The following ENDOV variants were observed in gnomAD, a reference collection of about 807,000 sequenced individuals.
ENDOV encodes endonuclease V.
ENDOV carries 37 observed loss-of-function variants against 39.4 expected under a neutral mutation model. The observed-to-expected ratio is 0.94, with a 90% CI of 0.72 to 1.23. ENDOV has a LOEUF of 1.23. Ranked by LOEUF, ENDOV falls within the 50% of genes most tolerant of loss-of-function variation. The probability of loss-of-function intolerance (pLI) is 0.00; values close to 1 mark genes in which losing one functional copy is unlikely to be tolerated. For missense variants in ENDOV, 441 were observed against 375.7 expected, an observed-to-expected ratio of 1.17 and a Z score of -1.44; for synonymous variants, 186 against 163.4, an observed-to-expected ratio of 1.14 and a Z score of -1.05.
intron 2 of ENDOV, chr17:80,417,884 G>C (rs565196969): frequency 6.6e-6 from 1 of 152,330 alleles, no homozygotes; most frequent in African/African-American, 2.4e-5. Context: ...ATTCACATAA[G>C]AGTCAACAGC....
intron 8 of ENDOV, among the ~76,000 whole-genome samples, chr17:80,428,973 G>A (rs566605421): frequency 1.1e-4 from 16 of 152,356 alleles, no homozygotes; most frequent in Admixed American, 4.6e-4. Flanking sequence ...CACTTAGCCT[G>A]TGAGGTACCA....
chr17:80,423,110 C>T (rs924681827), intron 4 of ENDOV, among the ~76,000 whole-genome samples: 10 of 152,246 alleles, frequency 6.6e-5, no homozygotes, highest in African/African-American at 2.4e-4. Context: ...AAGTGTGACT[C>T]GGCCCTGGCT....
chr17:80,418,353 G>A (rs897599744), intron 2 of ENDOV: 4 of 152,116 alleles, frequency 2.6e-5, no homozygotes, highest in African/African-American at 9.7e-5. Flanking sequence ...TGCATCCTGG[G>A]CCTCTTTTGA....
intron 5 of ENDOV, 78 bp from the exon 6 acceptor site, chr17:80,424,954 C>G: frequency 7.7e-7 from 1 of 1,301,412 alleles, no homozygotes; most frequent in Admixed American, 2.0e-5. Flanking sequence ...CACTCCGTCT[C>G]AAAAAATAGA....
chr17:80,417,113 C>T (rs1384237686), intron 2 of ENDOV: 2 of 152,194 alleles, frequency 1.3e-5, no homozygotes, highest in African/African-American at 4.8e-5. Flanking sequence ...GAATAAAGTT[C>T]ACTCTGGTTG....
intron 8 of ENDOV, 85 bp downstream of exon 8, chr17:80,428,745 G>C: frequency 7.5e-7 from 1 of 1,340,318 alleles, no homozygotes; most frequent in African/African-American, 1.4e-5. Context: ...GCCTCTCCTT[G>C]TTGCAATATT....
At chr17:80,416,472 C>T (rs2081202523) in intron 2 of ENDOV, among the ~76,000 whole-genome samples, 1 of 152,034 alleles carries the variant, frequency 6.6e-6, no homozygotes, top group African/African-American at 2.4e-5. Context: ...CACACTAGCT[C>T]GCTTTTATTC....
chr17:80,427,781 G>A, intron 7 of ENDOV: 1 of 1,289,220 alleles, frequency 7.8e-7, no homozygotes. Flanking sequence ...ATGGTCACAG[G>A]CGCTGCGGCG....
Position 80,436,357 on chromosome 17 carries a change from T to C in ENDOV, c.*214T>C. On this transcript the variant is annotated 3_prime_UTR_variant, in exon 10 of 10. Transcript: ENST00000518137. ...ACACGTCCTTGTCTTGTTCCTGATC[T>C]TAAGGGAACGTTTGCAGTCTTTCAC... is the stretch of plus-strand genomic sequence containing the variant. The C allele has an allele frequency of 7.9e-6, 12 of 1,510,848 alleles. No individual in the cohort carries two copies. The highest frequency in any genetic ancestry group is 1.1e-5 in the Non-Finnish European group (12 of 1,128,544). 93.6% of individuals were successfully genotyped at this position (1,510,848 alleles called of 1,614,324 possible).
intron 1 of ENDOV, 65 bp downstream of exon 1, chr17:80,415,315 C>G: frequency 1.9e-6 from 3 of 1,569,324 alleles, no homozygotes; most frequent in Non-Finnish European, 1.7e-6. Context: ...GCGGACCCTC[C>G]GAGCTCATAG....
At chr17:80,427,423 GC>G (rs2082841118) in intron 7 of ENDOV, 1 of 985,324 alleles carries the variant, frequency 1.0e-6, no homozygotes, top group Admixed American at 6.1e-5. Flanking sequence ...GGGACACCTG[GC>G]CTGTGAGTAC....
At position 80,421,968 on chromosome 17, in the gene ENDOV, T is replaced by C. The variant is rs1366771752; in HGVS notation, c.363+6T>C. 1.2e-6 allele frequency: 2 copies of C among 1,607,156 alleles called. No individual in the cohort carries two copies. Among genetic ancestry groups the C allele is most frequent in the Admixed American group, 1.7e-5 (1 of 59,888 alleles). On this transcript the variant is annotated splice_donor_region_variant and intron_variant, in intron 3 of 9. Transcript: ENST00000518137. The stretch of plus-strand genomic sequence containing the variant: ...AGCCGGGCCTCATGCCCCAGGCAGG[T>C]GTCTCATCCCTAGGACGAGAGAAAG...
At chr17:80,424,035 GC>G in intron 5 of ENDOV, 3 of 368,136 alleles carry the variant, frequency 8.1e-6, no homozygotes, top group Non-Finnish European at 9.6e-6. Flanking sequence ...CAGCCTCCAG[GC>G]CCCCCTCCCG....
intron 8 of ENDOV, among the ~76,000 whole-genome samples, chr17:80,429,220 A>G (rs1438908261): frequency 6.6e-6 from 1 of 152,198 alleles, no homozygotes; most frequent in Non-Finnish European, 1.5e-5. Context: ...CCTGCTAGCA[A>G]CCTTGATGTG....
chr17:80,427,700 G>A (rs2082885115), intron 7 of ENDOV: 9 of 1,285,882 alleles, frequency 7.0e-6, no homozygotes, highest in African/African-American at 1.5e-5. Context: ...GAAGGTCCTG[G>A]GAGAGCACAG....
chr17:80,419,330 TGAA>T, intron 2 of ENDOV: 1 of 462,852 alleles, frequency 2.2e-6, no homozygotes, highest in African/African-American at 1.9e-5. Flanking sequence ...TTTCCCACCG[TGAA>T]GAACACTGTC....
intron 2 of ENDOV, chr17:80,419,291 G>C (rs1243499030): frequency 1.3e-5 from 5 of 391,744 alleles, no homozygotes; most frequent in African/African-American, 1.0e-4. Flanking sequence ...TTCTGAAGCA[G>C]AGCTGGGCTG....
At chr17:80,430,300 T>C (rs2083251902) in intron 9 of ENDOV, 1 of 1,508,904 alleles carries the variant, frequency 6.6e-7, no homozygotes, top group African/African-American at 1.4e-5. Flanking sequence ...AGCCTGTGCT[T>C]TGCCCACCCC....
intron 9 of ENDOV, chr17:80,433,019 C>T (rs966140404): frequency 2.2e-6 from 1 of 458,272 alleles, no homozygotes; most frequent in Non-Finnish European, 4.4e-6. Context: ...GCTCAGCACC[C>T]CCTGCCCCAA....
Sources: allele counts gnomAD v4.1 joint callset (sites outside exome capture counted in the v4.1 genomes callset), GRCh38; gene constraint gnomAD v4.1.1; transcripts MANE v1.5; gene names NCBI Gene and HGNC (gene_info 2026-07-23, HGNC 2026-07-21).